Variants in EFR3A observed in about 807,000 individuals in gnomAD.
The protein encoded by EFR3A is EFR3 homolog A, also known as protein EFR3 homolog A.
In EFR3A, 76 loss-of-function variants were observed where a neutral mutation model predicts 104.4. The observed-to-expected ratio is 0.73, with a 90% CI of 0.60 to 0.88. EFR3A has a LOEUF of 0.88. Ranked by LOEUF, EFR3A falls within the 40% of genes least tolerant of loss-of-function variation. The probability of loss-of-function intolerance (pLI) is 0.00; values close to 1 mark genes in which losing one functional copy is unlikely to be tolerated. For missense variants in EFR3A, 985 were observed against 1,012.5 expected (o/e 0.97, Z 0.37); for synonymous variants, 330 against 330.0 (o/e 1.00, Z 0.00).
chr8:131,983,686 C>T (rs766895767), intron 14 of EFR3A, among the ~76,000 whole-genome samples: 34 of 152,172 alleles, frequency 2.2e-4, no homozygotes, highest in Admixed American at 5.2e-4. Context: ...CTTCTCTGTA[C>T]GGCTAACCCA....
intron 14 of EFR3A, among the ~76,000 whole-genome samples, chr8:131,982,848 A>C (rs1034531834): frequency 3.9e-5 from 6 of 152,274 alleles, no homozygotes; most frequent in South Asian, 2.1e-4. Context: ...GAGAGAAAGA[A>C]CGAGAGAGAC....
intron 1 of EFR3A, among the ~76,000 whole-genome samples, chr8:131,912,761 T>A (rs559528431): frequency 6.6e-6 from 1 of 152,164 alleles, no homozygotes; most frequent in South Asian, 2.1e-4. Context: ...TTCAAAACCT[T>A]GAAATGACAT....
intron 16 of EFR3A, among the ~76,000 whole-genome samples, chr8:131,985,945 C>T (rs1368913376): frequency 6.6e-6 from 1 of 152,078 alleles, no homozygotes; most frequent in Non-Finnish European, 1.5e-5. Context: ...TGTAATGTGT[C>T]ATCATTTTTT....
chr8:131,959,286 T>C, intron 7 of EFR3A, among the ~76,000 whole-genome samples: 1 of 152,154 alleles, frequency 6.6e-6, no homozygotes, highest in East Asian at 1.9e-4. Context: ...GATTTACTTG[T>C]TAGTTAAAAT....
intron 7 of EFR3A, among the ~76,000 whole-genome samples, chr8:131,958,100 C>T (rs1819115542): frequency 6.6e-6 from 1 of 152,092 alleles, no homozygotes; most frequent in Non-Finnish European, 1.5e-5. Flanking sequence ...AAATTCTTGA[C>T]AAGTGCATAT....
At chr8:132,005,979 A>G (rs948083163) in intron 22 of EFR3A, among the ~76,000 whole-genome samples, 1 of 152,206 alleles carries the variant, frequency 6.6e-6, no homozygotes, top group Non-Finnish European at 1.5e-5. Context: ...AAAATTTCAA[A>G]TATCTGGAAA....
intron 16 of EFR3A, among the ~76,000 whole-genome samples, chr8:131,985,963 A>G (rs1242273314): frequency 1.3e-5 from 2 of 152,216 alleles, no homozygotes; most frequent in Non-Finnish European, 2.9e-5. Flanking sequence ...TTTGCTTTAT[A>G]TATTATTTTA....
intron 18 of EFR3A, among the ~76,000 whole-genome samples, chr8:131,995,123 A>T (rs536551125): frequency 1.3e-5 from 2 of 152,280 alleles, no homozygotes; most frequent in African/African-American, 4.8e-5. Flanking sequence ...TTTGAAAGAC[A>T]GTGTAGCATT....
At chr8:131,931,742 A>G (rs1320246238) in intron 1 of EFR3A, among the ~76,000 whole-genome samples, 1 of 151,980 alleles carries the variant, frequency 6.6e-6, no homozygotes, top group Non-Finnish European at 1.5e-5. Flanking sequence ...ATATATGAAA[A>G]AAAACCAGCT....
At chr8:131,964,957 A>C (rs185469281) in intron 8 of EFR3A, among the ~76,000 whole-genome samples, 5,434 of 152,092 alleles carry the variant, frequency 0.036, 186 homozygotes, top group African/African-American at 0.092. Context: ...GAAAAACAAG[A>C]AATGGGGAAA....
chr8:131,984,210 A>G lies in EFR3A; in HGVS notation c.1647A>G (p.Glu549=), dbSNP rs147771142. The G allele has an allele frequency of 8.1e-5, 131 of 1,611,746 alleles. No homozygotes were observed. The East Asian group carries it at 2.9e-3, about 35-fold the overall frequency. The change falls in exon 15 of 23, where the codon GAA becomes GAG. Residue 549 remains glutamate, a synonymous_variant. Transcript: ENST00000254624. ...KEEDNVQKNY[E]LLYTSLALIT... Reference sequence around the variant, plus strand: ...AAGACAACGTTCAGAAAAACTATGAACTACTTTATACTTCTCTTGCTCTTA... The same window carrying G: ...AAGACAACGTTCAGAAAAACTATGAGCTACTTTATACTTCTCTTGCTCTTA...
intron 8 of EFR3A, among the ~76,000 whole-genome samples, chr8:131,966,384 G>A (rs1385460070): frequency 1.3e-5 from 2 of 152,052 alleles, no homozygotes; most frequent in African/African-American, 4.8e-5. Flanking sequence ...GAGTGCCAGT[G>A]CTTCTGGTCA....
intron 18 of EFR3A, among the ~76,000 whole-genome samples, chr8:131,994,130 C>T (rs1169351266): frequency 6.6e-6 from 1 of 152,020 alleles, no homozygotes; most frequent in Admixed American, 6.6e-5. Flanking sequence ...GTAGTCCTGA[C>T]TACTCGGGAG....
chr8:131,950,056 C>A lies in EFR3A; in HGVS notation c.454C>A (p.His152Asn). Residue 152 changes from histidine to asparagine, a missense_variant, in exon 5 of 23, where the codon CAT (histidine) becomes AAT (asparagine). Physicochemically the swap from His to Asn is moderately conservative, Grantham distance 68 (BLOSUM62 1). Coordinates refer to ENST00000254624, the MANE Select transcript of EFR3A (RefSeq NM_015137.6). The part of the protein sequence containing the change: ...FFVSRFSAMC[H>N]SCHSDPEIRT... ...TGTGTCTCGATTCAGTGCCATGTGC[C>A]ATTCCTGTCATAGTGATCCAGAAAT... The A allele has an allele frequency of 6.2e-7, 1 of 1,610,154 alleles. No individual in the cohort carries two copies. Among genetic ancestry groups the A allele is most frequent in the South Asian group, 1.1e-5 (1 of 90,560 alleles).
chr8:131,952,033 A>G (rs774446421), intron 5 of EFR3A, among the ~76,000 whole-genome samples: 6 of 151,844 alleles, frequency 4.0e-5, no homozygotes, highest in Non-Finnish European at 5.9e-5. Context: ...AAATGTTAGG[A>G]TTTTCTTATT....
intron 1 of EFR3A, among the ~76,000 whole-genome samples, chr8:131,920,023 C>A (rs1816928405): frequency 6.6e-6 from 1 of 152,058 alleles, no homozygotes; most frequent in African/African-American, 2.4e-5. Flanking sequence ...AGGATTCTCA[C>A]CTTAGTTTTA....
At chr8:131,941,751 G>A (rs1206789955) in intron 2 of EFR3A, among the ~76,000 whole-genome samples, 1 of 152,130 alleles carries the variant, frequency 6.6e-6, no homozygotes, top group African/African-American at 2.4e-5. Context: ...CAGAGGAAAT[G>A]AGATTTGCTG....
chr8:131,904,927 C>T (rs894369623), intron 1 of EFR3A, among the ~76,000 whole-genome samples: 2 of 152,182 alleles, frequency 1.3e-5, no homozygotes, highest in Non-Finnish European at 1.5e-5. Context: ...CCGCCCTATT[C>T]CCATGGAATT....
At chr8:131,930,572 G>C (rs999433808) in intron 1 of EFR3A, among the ~76,000 whole-genome samples, 1 of 151,838 alleles carries the variant, frequency 6.6e-6, no homozygotes, top group Non-Finnish European at 1.5e-5. Flanking sequence ...TGAAATACTT[G>C]GCTTAGGATT....
Sources: allele counts gnomAD v4.1 joint callset (sites outside exome capture counted in the v4.1 genomes callset), GRCh38; gene constraint gnomAD v4.1.1; transcripts MANE v1.5; gene names NCBI Gene and HGNC (gene_info 2026-07-23, HGNC 2026-07-21).